BRD9: variants seen among roughly 807,000 people sequenced by gnomAD.
BRD9 encodes the protein bromodomain-containing protein 9.
Under a neutral mutation model 68.7 loss-of-function variants are expected in BRD9, and 47 were observed. The observed-to-expected ratio is 0.68, with a 90% confidence interval of 0.54 to 0.87. The LOEUF (loss-of-function observed/expected upper bound fraction) is 0.87. Ranked by LOEUF, BRD9 falls within the 40% of genes least tolerant of loss-of-function variation. The probability of loss-of-function intolerance (pLI) is 0.00; values close to 1 mark genes in which losing one functional copy is unlikely to be tolerated. For synonymous variants in BRD9, 313 were observed against 293.9 expected (o/e 1.06, Z -0.67); for missense variants, 670 against 748.4 (o/e 0.90, Z 1.22).
At chr5:869,468 T>C (rs1749827413) in intron 14 of BRD9, 5 of 415,354 alleles carry the variant, frequency 1.2e-5, no homozygotes, top group South Asian at 7.0e-5. Context: ...CAAAGCTGTA[T>C]CTTGTGGGAA....
intron 1 of BRD9, 34 bp downstream of exon 1, chr5:892,572 G>A (rs1408163359): frequency 6.5e-7 from 1 of 1,531,844 alleles, no homozygotes; most frequent in Admixed American, 2.0e-5. Flanking sequence ...CCGGGACCCC[G>A]CCCGCCGCGC....
At chr5:866,603 G>C (rs59039994) in intron 14 of BRD9, 2 of 152,488 alleles carry the variant, frequency 1.3e-5, no homozygotes, top group Admixed American at 1.3e-4. Flanking sequence ...AGATGGAGAC[G>C]AGGACCCCAT....
At chr5:886,553 C>A in intron 7 of BRD9, 39 bp downstream of exon 7, 1 of 1,580,002 alleles carries the variant, frequency 6.3e-7, no homozygotes, top group South Asian at 1.1e-5. Flanking sequence ...CTATGGTGCT[C>A]AACTCCAAAA....
intron 12 of BRD9, among the ~76,000 whole-genome samples, chr5:873,135 AG>A (rs1393797499): frequency 1.3e-5 from 2 of 152,230 alleles, no homozygotes; most frequent in Non-Finnish European, 2.9e-5. Flanking sequence ...ACTGCACTCC[AG>A]CCTGGGTGAC....
chr5:891,882 C>T (rs750918920), intron 1 of BRD9, 28 bp from the exon 2 acceptor site: 4 of 1,549,174 alleles, frequency 2.6e-6, no homozygotes, highest in Non-Finnish European at 2.6e-6. Context: ...GAGTTCTACC[C>T]GCGTGCTCAG....
At position 889,123 on chromosome 5, in the gene BRD9, T is replaced by G; in HGVS notation, c.504A>C (p.Ala168=). The G allele has an allele frequency of 6.2e-7, 1 of 1,610,726 alleles. No individual in the cohort carries two copies. Among genetic ancestry groups the G allele is most frequent in the Non-Finnish European group, 8.5e-7 (1 of 1,179,340 alleles). Residue 168 remains alanine, a synonymous_variant, in exon 5 of 16, where the codon GCA becomes GCC. Transcript: ENST00000467963. The stretch of plus-strand genomic sequence containing the variant: ...TTATCATTGAATATCCAGGAGCAAT[T>G]GCATCCGTGACAGGAAAAGCAAAAA... The part of the protein sequence containing the change: ...HGFFAFPVTD[A]IAPGYSMIIK...
At chr5:865,208 G>A (rs1579886743) in intron 15 of BRD9, among the ~76,000 whole-genome samples, 1 of 152,226 alleles carries the variant, frequency 6.6e-6, no homozygotes, top group Non-Finnish European at 1.5e-5. Context: ...CCCAGCGTGC[G>A]GCCAGGCCAG....
At chr5:866,797 A>T (rs566201930) in intron 14 of BRD9, among the ~76,000 whole-genome samples, 1 of 152,354 alleles carries the variant, frequency 6.6e-6, no homozygotes, top group African/African-American at 2.4e-5. Flanking sequence ...GCCTATGCTC[A>T]CTTGCACAAA....
intron 14 of BRD9, 47 bp from the exon 15 acceptor site, chr5:865,628 C>A: frequency 6.5e-7 from 1 of 1,545,466 alleles, no homozygotes; most frequent in Non-Finnish European, 8.7e-7. Flanking sequence ...TCAGCCGGCC[C>A]GTCTACCCTA....
At chr5:888,953 G>T (rs73733986) in intron 5 of BRD9, 68 bp downstream of exon 5, 4 of 1,485,460 alleles carry the variant, frequency 2.7e-6, no homozygotes, top group Non-Finnish European at 1.8e-6. Flanking sequence ...TAAGGTGAAT[G>T]AAGTCTTCAC....
At position 889,652 on chromosome 5, in the gene BRD9, C is replaced by G; in HGVS notation, c.401-5G>C. The G allele has an allele frequency of 3.7e-6, 6 of 1,612,474 alleles. No homozygotes were observed. The highest frequency in any genetic ancestry group is 5.1e-6 in the Non-Finnish European group (6 of 1,179,122). ...TAGGTGTGCTCTCATTTTCGGCTGACAATTTAAGGAAAAAAAAATTGAATA... is the reference window on the plus strand; with the variant it reads ...TAGGTGTGCTCTCATTTTCGGCTGAGAATTTAAGGAAAAAAAAATTGAATA... On this transcript the variant is annotated splice_region_variant and splice_polypyrimidine_tract_variant and intron_variant, in intron 3 of 15. Coordinates refer to ENST00000467963, the MANE Select transcript of BRD9 (RefSeq NM_023924.5).
At chr5:887,555 A>C in intron 5 of BRD9, 84 bp from the exon 6 acceptor site, 1 of 1,007,734 alleles carries the variant, frequency 9.9e-7, no homozygotes, top group East Asian at 2.4e-5. Context: ...AGAGACCAAA[A>C]GGAAAAAGCT....
At chr5:884,789 A>C (rs1269255087) in intron 7 of BRD9, among the ~76,000 whole-genome samples, 2 of 152,260 alleles carry the variant, frequency 1.3e-5, no homozygotes, top group Admixed American at 1.3e-4. Context: ...ACAACCTGGC[A>C]ACCCTACACA....
chr5:872,471 A>G lies in BRD9; in HGVS notation c.1384-907T>C, dbSNP rs116509606. ...CCCATTTCCGGGCTGTGAGGGGGTC[A>G]CTTTCCCTACCCCACAGCAATGCCT... On this transcript the variant is annotated intron_variant, in intron 12 of 15. Transcript: ENST00000467963. Among the ~76,000 whole-genome samples, 865 of 152,226 alleles carry G rather than the reference A, an allele frequency of 5.7e-3. 7 individuals carry two copies. The highest frequency in any genetic ancestry group is 0.02 in the African/African-American group (839 of 41,536).
intron 11 of BRD9, 68 bp from the exon 12 acceptor site, chr5:876,280 A>T: frequency 1.6e-6 from 2 of 1,244,400 alleles, no homozygotes; most frequent in Non-Finnish European, 2.3e-6. Flanking sequence ...GGCAGCCCTG[A>T]TCACAGAAGC....
intron 14 of BRD9, among the ~76,000 whole-genome samples, chr5:866,721 G>A (rs1749429987): frequency 6.6e-6 from 1 of 152,136 alleles, no homozygotes; most frequent in South Asian, 2.1e-4. Context: ...AGATGATTTA[G>A]GGCACCTGGT....
intron 11 of BRD9, among the ~76,000 whole-genome samples, chr5:877,169 G>A (rs1751076093): frequency 6.6e-6 from 1 of 152,240 alleles, no homozygotes; most frequent in Admixed American, 6.5e-5. Flanking sequence ...ACAGGTGACT[G>A]ATGTCCTGAA....
At chr5:891,942 G>T (rs570181086) in intron 1 of BRD9, 88 bp from the exon 2 acceptor site, 1 of 1,519,422 alleles carries the variant, frequency 6.6e-7, no homozygotes. Flanking sequence ...AAGAGGGAAA[G>T]GCCTCCCTAA....
chr5:867,746 C>T (rs925985005), intron 14 of BRD9, among the ~76,000 whole-genome samples: 5 of 152,222 alleles, frequency 3.3e-5, no homozygotes, highest in African/African-American at 9.7e-5. Flanking sequence ...TGTCTGTACC[C>T]GATTTGTATC....
Sources: allele counts gnomAD v4.1 joint callset (sites outside exome capture counted in the v4.1 genomes callset), GRCh38; gene constraint gnomAD v4.1.1; transcripts MANE v1.5; gene names NCBI Gene and HGNC (gene_info 2026-07-23, HGNC 2026-07-21).